TEX13C: variants seen among roughly 807,000 people sequenced by gnomAD.
TEX13C encodes the protein TEX13 family member C.
For synonymous variants in TEX13C, 219 were observed against 116.6 expected (o/e 1.88, Z -5.65); for missense variants, 480 against 298.7 (o/e 1.61, Z -4.47).
exon 1 of TEX13C, chrX:125,320,660 G>A: frequency 1.9e-6 from 1 of 515,762 alleles, no homozygotes; most frequent in Non-Finnish European, 3.5e-6. Context: ...TTTAAATGCA[G>A]AACAGAGTGA....
At chrX:125,320,232 T>G (rs2018821846) in exon 1 of TEX13C, 1 of 515,141 alleles carries the variant, frequency 1.9e-6, no homozygotes, top group Non-Finnish European at 3.5e-6. Flanking sequence ...TACACGGCCT[T>G]CCGCTCGCGG....
exon 1 of TEX13C, chrX:125,324,374 G>C (rs2018873412): frequency 9.0e-6 from 1 of 111,403 alleles, no homozygotes; most frequent in African/African-American, 3.3e-5. Flanking sequence ...ATGCGAAAGA[G>C]ACTTTCATGA....
chrX:125,323,295 C>T (rs961901117), exon 1 of TEX13C: 2 of 362,880 alleles, frequency 5.5e-6, no homozygotes, highest in African/African-American at 5.2e-5. Flanking sequence ...TGTGAGTATA[C>T]ATACACACAA....
chrX:125,323,372 A>G (rs1357466575), exon 1 of TEX13C: 4 of 203,990 alleles, frequency 2.0e-5, no homozygotes, highest in Admixed American at 6.7e-5. Context: ...TTCTGAGTAT[A>G]ACACTCAGTC....
At chrX:125,322,707 T>C (rs1602635201) in exon 1 of TEX13C, 1 of 514,038 alleles carries the variant, frequency 1.9e-6, no homozygotes. Context: ...AAAGATCCAG[T>C]GGTGCACCAG....
At chrX:125,320,145 C>G (rs1177817643) in exon 1 of TEX13C, 3 of 490,322 alleles carry the variant, frequency 6.1e-6, no homozygotes, top group Non-Finnish European at 1.1e-5. Flanking sequence ...GGGGACCATG[C>G]CAGCGGGTTC....
exon 1 of TEX13C, chrX:125,320,858 C>T (rs1304273035): frequency 3.9e-6 from 2 of 513,507 alleles, no homozygotes; most frequent in Admixed American, 2.7e-5. Flanking sequence ...ATACTCAACA[C>T]CTCTACCACC....
chrX:125,321,271 T>G (rs1327013346), exon 1 of TEX13C: 39 of 492,986 alleles, frequency 7.9e-5, no homozygotes, highest in Non-Finnish European at 1.2e-4. Context: ...AAGATCCAGT[T>G]GTGCCCAAGG....
exon 1 of TEX13C, chrX:125,324,566 A>AT (rs2018875297): frequency 9.0e-6 from 1 of 111,328 alleles, no homozygotes; most frequent in African/African-American, 3.3e-5. Flanking sequence ...CCCAGCCCTT[A>AT]TGAAAGGTCT....
exon 1 of TEX13C, chrX:125,323,169 C>T: frequency 2.3e-6 from 1 of 426,969 alleles, no homozygotes. Flanking sequence ...CCCAGGACCC[C>T]CTTCTGATAA....
exon 1 of TEX13C, chrX:125,322,217 A>C (rs3126304): frequency 1.0e-5 from 5 of 482,074 alleles, no homozygotes; most frequent in African/African-American, 8.7e-5. Flanking sequence ...AGTGATGCCC[A>C]AGGAGATGGT....
chrX:125,321,996 G>T (rs2018848351), exon 1 of TEX13C: 1 of 485,988 alleles, frequency 2.1e-6, no homozygotes, highest in African/African-American at 2.7e-5. Context: ...CTGATGTTTA[G>T]CAGGAGACAC....
chrX:125,324,910 A>G (rs1308004485), exon 1 of TEX13C: 1 of 111,915 alleles, frequency 8.9e-6, no homozygotes, highest in African/African-American at 3.3e-5. Context: ...CAGGTTATGG[A>G]TGGTGTTTCT....
chrX:125,322,607 G>A (rs866912143), exon 1 of TEX13C: 1 of 512,669 alleles, frequency 2.0e-6, no homozygotes. Flanking sequence ...GGTCCCCCTG[G>A]GGGACAGCAA....
At chrX:125,324,081 G>A (rs1403973970) in exon 1 of TEX13C, 1 of 111,178 alleles carries the variant, frequency 9.0e-6, no homozygotes, top group East Asian at 2.8e-4. Flanking sequence ...GAGTTTAGGG[G>A]GTTGTAGTGT....
chrX:125,322,593 A>T, exon 1 of TEX13C: 2 of 512,241 alleles, frequency 3.9e-6, no homozygotes, highest in Non-Finnish European at 7.0e-6. Flanking sequence ...ATGCCCGAGG[A>T]GATGGTCCCC....
chrX:125,325,092 T>G (rs1017027195), exon 1 of TEX13C: 1 of 111,536 alleles, frequency 9.0e-6, no homozygotes, highest in African/African-American at 3.3e-5. Flanking sequence ...GTTGGTTAGA[T>G]CTGCCTTCAA....
chrX:125,322,230 C>T (rs998723898), exon 1 of TEX13C: 1 of 505,179 alleles, frequency 2.0e-6, no homozygotes, highest in African/African-American at 2.4e-5. Context: ...GAGATGGTCC[C>T]CCTGGGGGAC....
exon 1 of TEX13C, chrX:125,323,652 T>C (rs888428647): frequency 8.9e-6 from 1 of 112,241 alleles, no homozygotes; most frequent in Non-Finnish European, 1.9e-5. Context: ...CTATCATTCC[T>C]TTTGAAATTA....
Sources: allele counts gnomAD v4.1 joint callset, GRCh38; gene constraint gnomAD v4.1.1; transcripts MANE v1.5; gene names NCBI Gene and HGNC (gene_info 2026-07-23, HGNC 2026-07-21).